Variants in RAD51B observed in about 807,000 individuals in gnomAD.
The protein encoded by RAD51B is DNA repair protein RAD51 homolog 2.
RAD51B carries 38 observed loss-of-function variants against 42.2 expected under a neutral mutation model. That is an observed-to-expected ratio of 0.90 (90% CI 0.70 to 1.18). RAD51B has a LOEUF of 1.18. Among genes scored for constraint, RAD51B ranks in the 50% most tolerant of loss-of-function variants. The pLI is 0.00. For missense variants in RAD51B, 373 were observed against 400.7 expected, an observed-to-expected ratio of 0.93 and a Z score of 0.59; for synonymous variants, 154 against 145.2, an observed-to-expected ratio of 1.06 and a Z score of -0.43.
At chr14:68,630,359 C>A (rs1595037351) in intron 10 of RAD51B, among the ~76,000 whole-genome samples, 1 of 152,152 alleles carries the variant, frequency 6.6e-6, no homozygotes, top group East Asian at 1.9e-4. Flanking sequence ...GACAGCAGCC[C>A]GCTCTTTCTC....
chr14:68,215,040 T>C (rs556837007), intron 7 of RAD51B, among the ~76,000 whole-genome samples: 7 of 152,332 alleles, frequency 4.6e-5, no homozygotes, highest in Admixed American at 1.3e-4. Flanking sequence ...TAGGATTTAG[T>C]TACCATTTTC....
chr14:68,448,188 T>G (rs1158363815), intron 9 of RAD51B, among the ~76,000 whole-genome samples: 1 of 152,146 alleles, frequency 6.6e-6, no homozygotes, highest in East Asian at 1.9e-4. Flanking sequence ...GCTAATCCAC[T>G]GGGGAGAGCT....
intron 9 of RAD51B, among the ~76,000 whole-genome samples, chr14:68,444,811 G>T (rs1270731064): frequency 6.6e-6 from 1 of 152,124 alleles, no homozygotes; most frequent in Non-Finnish European, 1.5e-5. Context: ...GTGATGGGGG[G>T]GCATATTTCT....
chr14:68,208,853 A>G (rs1466837302), intron 7 of RAD51B, among the ~76,000 whole-genome samples: 2 of 152,214 alleles, frequency 1.3e-5, no homozygotes, highest in African/African-American at 4.8e-5. Flanking sequence ...TGGGATGACA[A>G]GCTGCATTAT....
chr14:68,046,399 G>A (rs2043027488), intron 7 of RAD51B, among the ~76,000 whole-genome samples: 1 of 152,142 alleles, frequency 6.6e-6, no homozygotes, highest in South Asian at 2.1e-4. Context: ...TTATAGATGT[G>A]AGCCACCATG....
At chr14:67,955,896 G>C (rs533987598) in intron 7 of RAD51B, among the ~76,000 whole-genome samples, 13 of 152,278 alleles carry the variant, frequency 8.5e-5, no homozygotes, top group South Asian at 2.1e-4. Flanking sequence ...TAGGAGTTTG[G>C]CTTTTAGCAA....
intron 5 of RAD51B, 55 bp downstream of exon 5, chr14:67,865,194 A>G: frequency 2.8e-6 from 4 of 1,443,216 alleles, no homozygotes; most frequent in Non-Finnish European, 3.7e-6. Context: ...TATATACAGC[A>G]TGAAACATTT....
chr14:68,088,719 G>C (rs2077041331), intron 7 of RAD51B, among the ~76,000 whole-genome samples: 1 of 151,270 alleles, frequency 6.6e-6, no homozygotes. Flanking sequence ...AGAAATAAAT[G>C]GTGTCTGGGG....
At chr14:68,664,304 C>T (rs1285208377) in intron 11 of RAD51B, among the ~76,000 whole-genome samples, 4 of 152,090 alleles carry the variant, frequency 2.6e-5, no homozygotes, top group Admixed American at 2.0e-4. Context: ...AGGATGATTC[C>T]TACTGATTCA....
intron 11 of RAD51B, among the ~76,000 whole-genome samples, chr14:68,658,602 A>G (rs1323590554): frequency 6.6e-6 from 1 of 152,198 alleles, no homozygotes; most frequent in Non-Finnish European, 1.5e-5. Flanking sequence ...GGACGGAATG[A>G]ACTACACTCC....
At chr14:68,434,432 C>T (rs1291290921) in intron 9 of RAD51B, among the ~76,000 whole-genome samples, 3 of 152,210 alleles carry the variant, frequency 2.0e-5, no homozygotes, top group Non-Finnish European at 4.4e-5. Flanking sequence ...CCTATTCAAG[C>T]CTCAGCAATG....
intron 7 of RAD51B, among the ~76,000 whole-genome samples, chr14:67,968,377 T>G (rs997844025): frequency 2.0e-5 from 3 of 152,152 alleles, no homozygotes; most frequent in Admixed American, 1.3e-4. Flanking sequence ...AAAAAATGGG[T>G]TTTTCTTTTC....
At chr14:68,632,035 A>T (rs961027528) in intron 10 of RAD51B, among the ~76,000 whole-genome samples, 1 of 152,192 alleles carries the variant, frequency 6.6e-6, no homozygotes, top group East Asian at 1.9e-4. Flanking sequence ...TCAGCAAAAC[A>T]CTGTTGACCT....
chr14:68,294,565 T>C (rs562255775), intron 8 of RAD51B, among the ~76,000 whole-genome samples: 3 of 152,274 alleles, frequency 2.0e-5, no homozygotes, highest in Admixed American at 2.0e-4. Flanking sequence ...GCAGGCCCTT[T>C]TGATGACTTT....
intron 8 of RAD51B, 101 bp downstream of exon 8, chr14:68,292,081 C>T (rs2081528935): frequency 9.1e-7 from 1 of 1,104,702 alleles, no homozygotes; most frequent in Non-Finnish European, 1.4e-6. Context: ...CTAATAGGCC[C>T]TGGCCAGTGA....
chr14:68,110,928 A>G (rs2077450392), intron 7 of RAD51B, among the ~76,000 whole-genome samples: 1 of 152,066 alleles, frequency 6.6e-6, no homozygotes, highest in African/African-American at 2.4e-5. Context: ...GACTAATTCC[A>G]GGTTGTCAGT....
chr14:68,397,923 C>G (rs1367011990), intron 8 of RAD51B, among the ~76,000 whole-genome samples: 1 of 152,218 alleles, frequency 6.6e-6, no homozygotes, highest in Non-Finnish European at 1.5e-5. Flanking sequence ...CTCAGAGCCT[C>G]GAGGGCAGCA....
chr14:68,525,809 G>A (rs941937272), intron 10 of RAD51B, among the ~76,000 whole-genome samples: 8 of 152,062 alleles, frequency 5.3e-5, no homozygotes, highest in South Asian at 2.1e-4. Context: ...AATGAGCTCC[G>A]GCATATGGAA....
intron 8 of RAD51B, among the ~76,000 whole-genome samples, chr14:68,361,254 G>A (rs79697460): frequency 0.015 from 2,218 of 152,238 alleles, 52 homozygotes; most frequent in African/African-American, 0.051. Flanking sequence ...TGTTTTCTGC[G>A]CCCTGGCACT....
Sources: allele counts gnomAD v4.1 joint callset (sites outside exome capture counted in the v4.1 genomes callset), GRCh38; gene constraint gnomAD v4.1.1; transcripts MANE v1.5; gene names NCBI Gene and HGNC (gene_info 2026-07-23, HGNC 2026-07-21).